AGO3: variants seen among roughly 807,000 people sequenced by gnomAD.
The protein encoded by AGO3 is argonaute RISC catalytic component 3.
In AGO3, 16 loss-of-function variants were observed where a neutral mutation model predicts 105.5. The ratio of observed to expected loss-of-function variants is 0.15; its 90% CI spans 0.10 to 0.23. The LOEUF (loss-of-function observed/expected upper bound fraction) is 0.23, where lower values mean the gene tolerates loss of function less well. Ranked by LOEUF, AGO3 falls within the 10% of genes least tolerant of loss-of-function variation. The pLI, the probability that AGO3 is intolerant of heterozygous loss-of-function variation, is 1.00. For synonymous variants in AGO3, 340 were observed against 367.3 expected (o/e 0.93, Z 0.85); for missense variants, 534 against 1,088.0 (o/e 0.49, Z 7.16).
At chr1:36,001,573 A>G (rs1640088301) in intron 5 of AGO3, among the ~76,000 whole-genome samples, 1 of 152,162 alleles carries the variant, frequency 6.6e-6, no homozygotes, top group Non-Finnish European at 1.5e-5. Context: ...ATGCACCCAC[A>G]CTGTAACATA....
At chr1:35,995,334 C>T (rs949984334) in intron 5 of AGO3, among the ~76,000 whole-genome samples, 3 of 149,878 alleles carry the variant, frequency 2.0e-5, no homozygotes, top group African/African-American at 7.4e-5. Context: ...TAAAGAAGAA[C>T]GAAGTTGGTG....
chr1:35,943,856 C>T (rs1646306336), intron 1 of AGO3, among the ~76,000 whole-genome samples: 1 of 152,042 alleles, frequency 6.6e-6, no homozygotes, highest in Admixed American at 6.6e-5. Context: ...CCACCTCGGC[C>T]TCCCAAAGTG....
At chr1:35,982,762 G>T in intron 5 of AGO3, 3 of 620,390 alleles carry the variant, frequency 4.8e-6, no homozygotes, top group South Asian at 4.0e-5. Flanking sequence ...GGATTAAGCT[G>T]AAAAAATAGG....
intron 17 of AGO3, among the ~76,000 whole-genome samples, chr1:36,050,313 C>G (rs1642654776): frequency 6.6e-6 from 1 of 151,848 alleles, no homozygotes; most frequent in Admixed American, 6.6e-5. Context: ...TGATGAAACC[C>G]CACCTCTACT....
At chr1:36,001,630 T>C (rs1241716500) in intron 5 of AGO3, among the ~76,000 whole-genome samples, 1 of 152,210 alleles carries the variant, frequency 6.6e-6, no homozygotes, top group African/African-American at 2.4e-5. Flanking sequence ...ATCTCTAAGA[T>C]GTATTGTTAA....
chr1:35,945,897 A>G lies in AGO3; in HGVS notation c.191+34A>G, dbSNP rs372188316. On this transcript the variant is annotated intron_variant, in intron 2 of 18. Transcript: ENST00000373191. The stretch of plus-strand genomic sequence containing the variant: ...CATGAAACTGCAAAGATCTTTTGCT[A>G]TTTTTTTCCTTAGTAATTATCCATG... The G allele has an allele frequency of 5.8e-5, 91 of 1,577,840 alleles. No individual in the cohort carries two copies. The African/African-American group carries it at 1.0e-3, about 17-fold the overall frequency.
rs1021642270 is a variant in AGO3 at position 36,055,825 on chromosome 1, A to C, written c.*80A>C. 7.1e-7 allele frequency: 1 copy of C among 1,405,428 alleles called. No homozygotes were observed. The highest frequency in any genetic ancestry group is 1.2e-5 in the South Asian group (1 of 83,444). 87.1% of individuals were successfully genotyped at this position (1,405,428 alleles called of 1,614,324 possible). ...CGTATGTTTCCAGTGAAGTCAATTG[A>C]GTAAGGACACCTCCAGCCATACAGA... On this transcript the variant is annotated 3_prime_UTR_variant, in exon 19 of 19. Transcript: ENST00000373191. This position sits in a 1 kb window ranked among gnomAD's most constrained non-coding sequence, Gnocchi z 4.4.
At chr1:35,945,338 CCA>C (rs1353480400) in intron 1 of AGO3, among the ~76,000 whole-genome samples, 2 of 152,028 alleles carry the variant, frequency 1.3e-5, no homozygotes, top group African/African-American at 4.8e-5. Context: ...CAGGCATGAG[CCA>C]CCATGCCCTG....
chr1:36,026,200 C>T (rs1313858304), intron 11 of AGO3, among the ~76,000 whole-genome samples: 1 of 152,050 alleles, frequency 6.6e-6, no homozygotes, highest in Non-Finnish European at 1.5e-5. Context: ...CCTCCGCTTC[C>T]CAGATTCAAG....
At chr1:35,997,123 G>GA (rs1432798997) in intron 5 of AGO3, among the ~76,000 whole-genome samples, 1 of 151,752 alleles carries the variant, frequency 6.6e-6, no homozygotes, top group African/African-American at 2.4e-5. Context: ...ACTAAAAATA[G>GA]AAAAAATTAG....
Position 36,066,767 on chromosome 1 carries a change from AGGTCTTT to A in AGO3, c.*11024_*11030del, listed in dbSNP as rs893243009. On this transcript the variant is annotated 3_prime_UTR_variant, in exon 19 of 19. Coordinates refer to ENST00000373191, the MANE Select transcript of AGO3 (RefSeq NM_024852.4). Reference sequence around the variant, plus strand: ...TATTGTCAGAATCTGTAGAAACTGGAGGTCTTTGTAAAGAAATAGACTAGTAGGATTG... The same window carrying A: ...TATTGTCAGAATCTGTAGAAACTGGAGTAAAGAAATAGACTAGTAGGATTG... 1 of 152,168 alleles carries A rather than the reference AGGTCTTT, an allele frequency of 6.6e-6. No homozygotes were observed. Among genetic ancestry groups the A allele is most frequent in the African/African-American group, 2.4e-5 (1 of 41,446 alleles). 9.4% of individuals were successfully genotyped at this position (152,168 alleles called of 1,614,324 possible).
At chr1:36,040,736 A>C (rs1642209185) in intron 16 of AGO3, among the ~76,000 whole-genome samples, 1 of 152,128 alleles carries the variant, frequency 6.6e-6, no homozygotes, top group Non-Finnish European at 1.5e-5. Flanking sequence ...AAAACAGTAC[A>C]TTCTCTTTTT....
chr1:35,934,490 C>CA (rs1324634823), intron 1 of AGO3, among the ~76,000 whole-genome samples: 3 of 151,970 alleles, frequency 2.0e-5, no homozygotes, highest in African/African-American at 7.2e-5. Flanking sequence ...TATTTGGAAC[C>CA]AAGTTCCAAA....
intron 2 of AGO3, among the ~76,000 whole-genome samples, chr1:35,949,646 G>T (rs924876313): frequency 2.0e-5 from 3 of 152,084 alleles, no homozygotes; most frequent in Admixed American, 1.3e-4. Context: ...AAAAGTCAGG[G>T]TCTCAATCTG....
At chr1:35,972,289 C>T in intron 4 of AGO3, 57 bp downstream of exon 4, 1 of 1,553,414 alleles carries the variant, frequency 6.4e-7, no homozygotes, top group Non-Finnish European at 8.8e-7. Flanking sequence ...ATGAATTGTG[C>T]AGGCTTCCCT....
intron 17 of AGO3, among the ~76,000 whole-genome samples, chr1:36,047,700 G>T (rs930057141): frequency 1.3e-5 from 2 of 152,040 alleles, no homozygotes; most frequent in Admixed American, 6.6e-5. Flanking sequence ...GGGCAACATG[G>T]TGATACCCCA....
chr1:36,003,708 AAATATATAT>A (rs1231896332), intron 5 of AGO3, among the ~76,000 whole-genome samples: 281 of 127,566 alleles, frequency 2.2e-3, no homozygotes, highest in South Asian at 7.6e-3. Context: ...AAAAAAAAAA[AAATATATAT>A]ATATATATAT....
chr1:35,951,231 G>A (rs767351322), intron 2 of AGO3, among the ~76,000 whole-genome samples: 3 of 152,006 alleles, frequency 2.0e-5, no homozygotes, highest in South Asian at 2.1e-4. Context: ...GATCACAGGC[G>A]TGAGCCACCA....
At chr1:35,937,579 A>T (rs972091001) in intron 1 of AGO3, among the ~76,000 whole-genome samples, 1 of 151,162 alleles carries the variant, frequency 6.6e-6, no homozygotes, top group Non-Finnish European at 1.5e-5. Context: ...TAATTCAGCC[A>T]CTTGGGAAGC....
Sources: gnomAD v4.1 joint callset for allele counts (sites outside exome capture counted in the v4.1 genomes callset) on GRCh38, gnomAD v4.1.1 for gene constraint, Gnocchi (gnomAD v3.1) non-coding constraint, MANE v1.5 for transcripts, NCBI Gene and HGNC (gene_info 2026-07-23, HGNC 2026-07-21) for gene names.